The following WDPCP variants were observed in gnomAD, a reference collection of about 807,000 sequenced individuals.
The protein encoded by WDPCP is WD repeat-containing and planar cell polarity effector protein fritz homolog.
In WDPCP, 71 loss-of-function variants were observed where a neutral mutation model predicts 93.1. The ratio of observed to expected loss-of-function variants is 0.76; its 90% CI spans 0.63 to 0.93. The LOEUF (loss-of-function observed/expected upper bound fraction) is 0.93. Ranked by LOEUF, WDPCP falls within the 40% of genes least tolerant of loss-of-function variation. The pLI is 0.00. For synonymous variants in WDPCP, 315 were observed against 315.0 expected (o/e 1.00, Z 0.00); for missense variants, 844 against 887.4 (o/e 0.95, Z 0.62).
At chr2:63,637,396 C>A (rs1483469557) in intron 3 of WDPCP, among the ~76,000 whole-genome samples, 10 of 67,088 alleles carry the variant, frequency 1.5e-4, no homozygotes, top group Non-Finnish European at 2.0e-4. Context: ...AAGAAACAAA[C>A]AAAAAAAACC....
intron 13 of WDPCP, among the ~76,000 whole-genome samples, chr2:63,306,073 AC>A (rs1160823901): frequency 1.3e-5 from 2 of 152,240 alleles, no homozygotes; most frequent in Non-Finnish European, 2.9e-5. Flanking sequence ...ACCAATGATC[AC>A]AGAAATACAA....
chr2:63,663,439 A>G (rs751206076), intron 2 of WDPCP, among the ~76,000 whole-genome samples: 4 of 152,212 alleles, frequency 2.6e-5, no homozygotes, highest in African/African-American at 4.8e-5. Flanking sequence ...AACATCAGAG[A>G]GGAAAGCAAT....
intron 6 of WDPCP, among the ~76,000 whole-genome samples, chr2:63,468,500 T>G (rs956001597): frequency 6.6e-6 from 1 of 152,230 alleles, no homozygotes; most frequent in African/African-American, 2.4e-5. Flanking sequence ...AGCAGCTTCT[T>G]CTGTTGCTAC....
chr2:63,738,054 C>T (rs1248036359), intron 2 of WDPCP, among the ~76,000 whole-genome samples: 2 of 152,168 alleles, frequency 1.3e-5, no homozygotes, highest in African/African-American at 4.8e-5. Flanking sequence ...GGCCAGATAA[C>T]TTGAATGTCT....
chr2:63,570,551 A>G (rs1707407386), intron 1 of WDPCP, among the ~76,000 whole-genome samples: 1 of 152,224 alleles, frequency 6.6e-6, no homozygotes, highest in South Asian at 2.1e-4. Context: ...AACTTGGGAT[A>G]GGTATTACCT....
chr2:63,177,307 G>A (rs1216501449), intron 14 of WDPCP, among the ~76,000 whole-genome samples: 2 of 152,136 alleles, frequency 1.3e-5, no homozygotes, highest in African/African-American at 4.8e-5. Flanking sequence ...GATAGGGATT[G>A]CACTGAATTG....
chr2:63,796,723 G>A (rs1385756699), intron 2 of WDPCP, among the ~76,000 whole-genome samples: 1 of 152,202 alleles, frequency 6.6e-6, no homozygotes, highest in East Asian at 1.9e-4. Context: ...TACTACCACA[G>A]GATAAAATGC....
intron 1 of WDPCP, chr2:63,571,238 G>GTCACTTTCCTCATGTGTAAAATAAA (rs1707475271): frequency 5.3e-6 from 2 of 379,854 alleles, no homozygotes; most frequent in Admixed American, 6.8e-5. Context: ...ATTACCATGT[G>GTCACTTTCCTCATGTGTAAAATAAA]TCACTTTCCT....
chr2:63,164,392 T>TA (rs1672823199), intron 15 of WDPCP, among the ~76,000 whole-genome samples: 1 of 152,138 alleles, frequency 6.6e-6, no homozygotes, highest in Non-Finnish European at 1.5e-5. Flanking sequence ...ATGAATGGCT[T>TA]AGCACTGTCC....
intron 10 of WDPCP, among the ~76,000 whole-genome samples, chr2:63,387,573 A>C (rs920106186): frequency 3.3e-5 from 5 of 152,190 alleles, no homozygotes; most frequent in African/African-American, 4.8e-5. Context: ...GGAACAAGAC[A>C]AGGATGCCCT....
intron 13 of WDPCP, among the ~76,000 whole-genome samples, chr2:63,265,512 G>C (rs547361448): frequency 1.3e-5 from 2 of 152,206 alleles, no homozygotes; most frequent in South Asian, 4.1e-4. Context: ...CCAATAATGA[G>C]AAAGGAGACT....
chr2:63,452,235 T>C (rs1284777261), intron 6 of WDPCP, among the ~76,000 whole-genome samples: 1 of 152,184 alleles, frequency 6.6e-6, no homozygotes, highest in Non-Finnish European at 1.5e-5. Context: ...ATAAGCAACT[T>C]CAGCAAAGTC....
At chr2:63,642,295 TG>T (rs1709990283) in intron 3 of WDPCP, among the ~76,000 whole-genome samples, 1 of 152,054 alleles carries the variant, frequency 6.6e-6, no homozygotes, top group African/African-American at 2.4e-5. Context: ...TTGATTAGTG[TG>T]GGTTTTTGTG....
At chr2:63,649,196 A>G (rs1710083145) in intron 3 of WDPCP, among the ~76,000 whole-genome samples, 1 of 151,962 alleles carries the variant, frequency 6.6e-6, no homozygotes, top group Non-Finnish European at 1.5e-5. Flanking sequence ...CCCCTTCCCC[A>G]TCCCTTGGTG....
chr2:63,125,301 G>C (rs1430165415), intron 17 of WDPCP, among the ~76,000 whole-genome samples: 5 of 152,174 alleles, frequency 3.3e-5, no homozygotes, highest in African/African-American at 1.2e-4. Context: ...CCATCAGAAA[G>C]GAGTGTACTT....
chr2:63,471,229 T>C (rs548997939), intron 6 of WDPCP, among the ~76,000 whole-genome samples: 23 of 152,372 alleles, frequency 1.5e-4, no homozygotes, highest in African/African-American at 5.3e-4. Context: ...CTATCTGGCA[T>C]ATTGTTGGTA....
chr2:63,775,294 G>C (rs1670285425), intron 2 of WDPCP, among the ~76,000 whole-genome samples: 1 of 152,122 alleles, frequency 6.6e-6, no homozygotes, highest in Admixed American at 6.6e-5. Flanking sequence ...CATTGTATTG[G>C]CTCTCTGAAA....
intron 12 of WDPCP, among the ~76,000 whole-genome samples, chr2:63,344,356 T>G (rs940624767): frequency 2.0e-5 from 3 of 152,302 alleles, no homozygotes; most frequent in African/African-American, 7.2e-5. Context: ...ACAAAAATTT[T>G]CCGAGAACTA....
intron 14 of WDPCP, among the ~76,000 whole-genome samples, chr2:63,231,815 A>G (rs1678914849): frequency 6.6e-6 from 1 of 152,212 alleles, no homozygotes; most frequent in Non-Finnish European, 1.5e-5. Context: ...TTCTTCACAG[A>G]ATTGGAAAAA....
Sources: allele counts gnomAD v4.1 joint callset (sites outside exome capture counted in the v4.1 genomes callset), GRCh38; gene constraint gnomAD v4.1.1; transcripts MANE v1.5; gene names NCBI Gene and HGNC (gene_info 2026-07-23, HGNC 2026-07-21).